Variants in RBFOX1 observed in about 807,000 individuals in gnomAD.
The protein encoded by RBFOX1 is RNA binding fox-1 homolog 1.
In RBFOX1, 8 loss-of-function variants were observed where a neutral mutation model predicts 57.7. That is an observed-to-expected ratio of 0.14 (90% confidence interval 0.08 to 0.25). The LOEUF (loss-of-function observed/expected upper bound fraction) is 0.25. Ranked by LOEUF, RBFOX1 falls within the 10% of genes least tolerant of loss-of-function variation. The pLI, the probability that RBFOX1 is intolerant of heterozygous loss-of-function variation, is 1.00. For synonymous variants in RBFOX1, 326 were observed against 222.4 expected (o/e 1.47, Z -4.15); for missense variants, 611 against 548.5 (o/e 1.11, Z -1.14).
chr16:5,913,720 G>GAAA (rs2058651201), intron 4 of RBFOX1, among the ~76,000 whole-genome samples: 1 of 152,212 alleles, frequency 6.6e-6, no homozygotes, highest in South Asian at 2.1e-4. Context: ...CCTTGCTCAA[G>GAAA]AAGAATGATA....
chr16:7,403,562 T>TA (rs1487515249), intron 4 of RBFOX1, among the ~76,000 whole-genome samples: 14 of 114,666 alleles, frequency 1.2e-4, no homozygotes, highest in African/African-American at 4.6e-4. Flanking sequence ...AATGAGAGAA[T>TA]CCCCCCCCCC....
At chr16:7,645,665 C>T (rs1352358278) in intron 11 of RBFOX1, among the ~76,000 whole-genome samples, 1 of 152,172 alleles carries the variant, frequency 6.6e-6, no homozygotes, top group Admixed American at 6.5e-5. Flanking sequence ...GGTGATTAGA[C>T]TTGTACATTA....
intron 4 of RBFOX1, among the ~76,000 whole-genome samples, chr16:5,970,730 G>A (rs545515349): frequency 2.8e-4 from 42 of 152,136 alleles, no homozygotes; most frequent in Middle Eastern, 3.2e-3. Flanking sequence ...AGGACCCTGC[G>A]AAATTGACTG....
At chr16:7,402,167 C>T (rs769613087) in intron 4 of RBFOX1, among the ~76,000 whole-genome samples, 14 of 152,156 alleles carry the variant, frequency 9.2e-5, no homozygotes, top group East Asian at 7.7e-4. Flanking sequence ...TTATAAAACT[C>T]GAGCTGTGAT....
At chr16:5,251,606 T>G (rs1192689335) in intron 1 of RBFOX1, among the ~76,000 whole-genome samples, 2 of 152,102 alleles carry the variant, frequency 1.3e-5, no homozygotes, top group African/African-American at 4.8e-5. Flanking sequence ...ACTTTTATAT[T>G]AAAGCCACTT....
intron 1 of RBFOX1, among the ~76,000 whole-genome samples, chr16:5,322,763 G>A (rs1306053081): frequency 1.3e-5 from 2 of 152,140 alleles, no homozygotes; most frequent in Non-Finnish European, 2.9e-5. Flanking sequence ...AGTTTACAAT[G>A]TGAAAAATAG....
chr16:6,455,348 G>A (rs74334049), intron 2 of RBFOX1, among the ~76,000 whole-genome samples: 8,301 of 152,194 alleles, frequency 0.055, 355 homozygotes, highest in Non-Finnish European at 0.083. Context: ...AATGAAACAG[G>A]ATCCCTTGGA....
chr16:6,946,305 C>A (rs370566327), intron 3 of RBFOX1, among the ~76,000 whole-genome samples: 1 of 152,172 alleles, frequency 6.6e-6, no homozygotes, highest in Non-Finnish European at 1.5e-5. Flanking sequence ...GGCTGTGTTC[C>A]AATAAAACTT....
chr16:5,455,576 T>A (rs911878244), intron 1 of RBFOX1, among the ~76,000 whole-genome samples: 4 of 152,230 alleles, frequency 2.6e-5, no homozygotes, highest in Non-Finnish European at 5.9e-5. Context: ...ATTTTCAGTA[T>A]GCCTTTTTTC....
At chr16:5,751,156 T>G (rs1344858604) in intron 3 of RBFOX1, among the ~76,000 whole-genome samples, 1 of 152,160 alleles carries the variant, frequency 6.6e-6, no homozygotes, top group Non-Finnish European at 1.5e-5. Flanking sequence ...AAATTCTGCT[T>G]TCTGTTCAAT....
At chr16:7,113,387 G>A (rs1188477671) in intron 4 of RBFOX1, among the ~76,000 whole-genome samples, 3 of 152,074 alleles carry the variant, frequency 2.0e-5, no homozygotes, top group African/African-American at 4.8e-5. Flanking sequence ...TTCTTACAAA[G>A]CAAAAGATAA....
At chr16:6,751,586 C>G (rs1369918931) in intron 3 of RBFOX1, among the ~76,000 whole-genome samples, 1 of 152,132 alleles carries the variant, frequency 6.6e-6, no homozygotes, top group Non-Finnish European at 1.5e-5. Flanking sequence ...CTCTGCACAT[C>G]TGATTTGGGA....
chr16:7,578,978 CATGGTCT>C (rs1426649029), intron 5 of RBFOX1, among the ~76,000 whole-genome samples: 5 of 152,138 alleles, frequency 3.3e-5, no homozygotes. Flanking sequence ...GATGATGTTA[CATGGTCT>C]AGGCAAACAG....
chr16:5,859,048 T>C (rs1462086146), intron 3 of RBFOX1, among the ~76,000 whole-genome samples: 2 of 152,034 alleles, frequency 1.3e-5, no homozygotes, highest in East Asian at 3.9e-4. Context: ...CTACTAAAAA[T>C]ACAGAAATTA....
chr16:6,819,277 G>GCATA (rs2090789773), intron 3 of RBFOX1, among the ~76,000 whole-genome samples: 1 of 152,148 alleles, frequency 6.6e-6, no homozygotes, highest in South Asian at 2.1e-4. Flanking sequence ...AGTGGAAATG[G>GCATA]CATAGTCCCT....
intron 5 of RBFOX1, among the ~76,000 whole-genome samples, chr16:7,545,672 G>A (rs922359812): frequency 3.9e-5 from 6 of 152,026 alleles, no homozygotes; most frequent in Non-Finnish European, 8.8e-5. Flanking sequence ...GTGAAGAGTT[G>A]CCCGACACGG....
intron 4 of RBFOX1, among the ~76,000 whole-genome samples, chr16:7,416,091 C>A (rs1357177722): frequency 6.6e-6 from 1 of 150,874 alleles, no homozygotes; most frequent in East Asian, 1.9e-4. Flanking sequence ...AACCTCCAGC[C>A]CCCCAATCTG....
rs548849303 is a variant in RBFOX1, at chr16:7,529,914, C to T, written c.270+11525C>T. On this transcript the variant is annotated intron_variant, in intron 5 of 15. Transcript: ENST00000550418. ...ATCCCAGCTACTTGGGAGGCGGAGG[C>T]AGGAGAATCACTTGAATGCAGGAGG... Among the ~76,000 whole-genome samples the T allele has an allele frequency of 6.7e-5, 10 of 148,248 alleles. 1 individual carries two copies. The South Asian group carries it at 1.9e-3, about 28-fold the overall frequency.
chr16:6,572,594 C>T (rs1439279345), intron 2 of RBFOX1, among the ~76,000 whole-genome samples: 4 of 151,350 alleles, frequency 2.6e-5, no homozygotes, highest in African/African-American at 9.8e-5. Context: ...TTCCCACCTT[C>T]TCTGTCTTTT....
Sources: allele counts gnomAD v4.1 joint callset (sites outside exome capture counted in the v4.1 genomes callset), GRCh38; gene constraint gnomAD v4.1.1; transcripts MANE v1.5; gene names NCBI Gene and HGNC (gene_info 2026-07-23, HGNC 2026-07-21).